SEM1: variants seen among roughly 807,000 people sequenced by gnomAD.
The protein encoded by SEM1 is SEM1 26S proteasome subunit, also known as 26S proteasome complex subunit SEM1.
SEM1 carries 3 observed loss-of-function variants against 12.7 expected under a neutral mutation model. The observed-to-expected ratio is 0.24, with a 90% CI of 0.11 to 0.61. The LOEUF is 0.61. SEM1 is among the 20% of genes least tolerant of loss of function. The probability of loss-of-function intolerance (pLI) is 0.88; values close to 1 mark genes in which losing one functional copy is unlikely to be tolerated. For missense variants in SEM1, 59 were observed against 81.3 expected, an observed-to-expected ratio of 0.73 and a Z score of 1.06; for synonymous variants, 30 against 27.8, an observed-to-expected ratio of 1.08 and a Z score of -0.25.
At position 96,666,955 on chromosome 7, in the gene SEM1, C is replaced by A. The variant is rs190104266; in HGVS notation, c.170+27843G>T. Among the ~76,000 whole-genome samples, 139 of 152,266 alleles carry A rather than the reference C, an allele frequency of 9.1e-4. No homozygotes were observed. The Middle Eastern group carries it at 0.02, about 22-fold the overall frequency. ...TTGGGCCAACTTGCTATATCCATGG[C>A]AATCCATGATATTACTTCTGCCAAG... is the stretch of plus-strand genomic sequence containing the variant. On this transcript the variant is annotated intron_variant, in intron 2 of 2. Coordinates refer to the SEM1 transcript ENST00000417009.
downstream of SEM1, among the ~76,000 whole-genome samples, chr7:96,671,673 C>T (rs79824466): frequency 0.093 from 14,192 of 152,112 alleles, 764 homozygotes; most frequent in East Asian, 0.15. Context: ...GAACATATAA[C>T]CGATTGAAGA....
chr7:96,550,373 G>T (rs1355364737), intron 2 of SEM1, among the ~76,000 whole-genome samples: 1 of 152,118 alleles, frequency 6.6e-6, no homozygotes. Context: ...AATGGCAAAT[G>T]CAATTACCAA....
At chr7:96,561,539 C>T (rs776575894) in intron 2 of SEM1, among the ~76,000 whole-genome samples, 1 of 152,238 alleles carries the variant, frequency 6.6e-6, no homozygotes, top group Non-Finnish European at 1.5e-5. Context: ...ACTGTAGTCA[C>T]TTTGGCTGCA....
chr7:96,707,017 A>G (rs1790488273), intron 1 of SEM1, among the ~76,000 whole-genome samples: 1 of 152,260 alleles, frequency 6.6e-6, no homozygotes, highest in African/African-American at 2.4e-5. Flanking sequence ...TGAAAACTCA[A>G]ATACCAAAAG....
intron 1 of SEM1, among the ~76,000 whole-genome samples, chr7:96,703,938 G>A (rs1385773028): frequency 6.6e-6 from 1 of 151,300 alleles, no homozygotes; most frequent in East Asian, 2.0e-4. Flanking sequence ...CAGCCTGGGT[G>A]ACAGAGCACC....
intron 2 of SEM1, among the ~76,000 whole-genome samples, chr7:96,589,790 C>T (rs1326783372): frequency 6.6e-6 from 1 of 152,174 alleles, no homozygotes; most frequent in Non-Finnish European, 1.5e-5. Context: ...AGCAGAGTCC[C>T]TTCTTCCTCA....
intron 2 of SEM1, among the ~76,000 whole-genome samples, chr7:96,615,236 GTCA>G (rs1473089123): frequency 4.8e-4 from 28 of 58,234 alleles, no homozygotes; most frequent in East Asian, 3.5e-3. Context: ...TATTTTTTGA[GTCA>G]TCTTTTTTTT....
At chr7:96,622,354 C>T, downstream of SEM1, 1 of 470,086 alleles carries the variant, frequency 2.1e-6, no homozygotes, top group Admixed American at 3.5e-5. Context: ...GAAAAGATGC[C>T]TTATTTCAGA....
At chr7:96,634,388 A>G (rs1453113775) in intron 2 of SEM1, among the ~76,000 whole-genome samples, 1 of 152,082 alleles carries the variant, frequency 6.6e-6, no homozygotes, top group Admixed American at 6.6e-5. Context: ...AAACAAAAAC[A>G]TAGGCAAGTG....
At chr7:96,570,689 T>C (rs1805994781) in intron 2 of SEM1, among the ~76,000 whole-genome samples, 1 of 152,226 alleles carries the variant, frequency 6.6e-6, no homozygotes, top group African/African-American at 2.4e-5. Flanking sequence ...TATAGTAGAA[T>C]GATTTATAAT....
chr7:96,592,202 C>CAA (rs1806850947), intron 2 of SEM1, among the ~76,000 whole-genome samples: 1 of 151,384 alleles, frequency 6.6e-6, no homozygotes, highest in East Asian at 2.0e-4. Context: ...GGTTGACTGG[C>CAA]GTCTTAGGTA....
chr7:96,494,215 G>C (rs1803145205), intron 1 of SEM1, among the ~76,000 whole-genome samples: 1 of 152,152 alleles, frequency 6.6e-6, no homozygotes, highest in African/African-American at 2.4e-5. Flanking sequence ...ACTCGGGCCA[G>C]TGAATTTTCA....
chr7:96,670,030 T>C (rs912062895), downstream of SEM1, among the ~76,000 whole-genome samples: 21 of 152,194 alleles, frequency 1.4e-4, no homozygotes, highest in African/African-American at 5.1e-4. Context: ...AGTACATAAC[T>C]GAGCCAGGAG....
In SEM1 at chr7:96,628,147, G is replaced by A. The variant is rs781438552; in HGVS notation, c.171-5504C>T. ...TTTCTTCCCTTTATTTTCAGTCTAT[G>A]TGTGTCTTTATAGTTATCTTTATTT... On this transcript the variant is annotated intron_variant, in intron 2 of 2. Transcript: ENST00000417009. Among the ~76,000 whole-genome samples the A allele has an allele frequency of 2.6e-5, 4 of 151,726 alleles. No individual in the cohort carries two copies. The South Asian group carries it at 6.2e-4, about 24-fold the overall frequency.
downstream of SEM1, among the ~76,000 whole-genome samples, chr7:96,619,942 A>AG (rs1807837759): frequency 6.6e-6 from 1 of 152,094 alleles, no homozygotes. Flanking sequence ...GCAACCAGTG[A>AG]GGGCAGTGAG....
downstream of SEM1, among the ~76,000 whole-genome samples, chr7:96,620,081 T>C (rs1563085673): frequency 6.6e-6 from 1 of 152,144 alleles, no homozygotes; most frequent in Non-Finnish European, 1.5e-5. Context: ...CTAGTTTCCC[T>C]GATCCTCCTT....
At chr7:96,654,479 A>AT (rs533700004) in intron 2 of SEM1, among the ~76,000 whole-genome samples, 180 of 152,254 alleles carry the variant, frequency 1.2e-3, no homozygotes, top group Middle Eastern at 0.01. Context: ...TGAATTTTGA[A>AT]TTTTGATCTT....
intron 2 of SEM1, among the ~76,000 whole-genome samples, chr7:96,544,204 A>G (rs1190928734): frequency 6.6e-6 from 1 of 152,086 alleles, no homozygotes; most frequent in Non-Finnish European, 1.5e-5. Context: ...CATAATTTCT[A>G]GTATTATAAA....
chr7:96,668,989 C>CA (rs1789240192), downstream of SEM1, among the ~76,000 whole-genome samples: 1 of 152,106 alleles, frequency 6.6e-6, no homozygotes, highest in South Asian at 2.1e-4. Flanking sequence ...TGCAAACCAC[C>CA]AGAAATTAGG....
Sources: gnomAD v4.1 joint callset for allele counts (sites outside exome capture counted in the v4.1 genomes callset) on GRCh38, gnomAD v4.1.1 for gene constraint, MANE v1.5 for transcripts, NCBI Gene and HGNC (gene_info 2026-07-23, HGNC 2026-07-21) for gene names.